PTPN22: variants seen among roughly 807,000 people sequenced by gnomAD.
The protein encoded by PTPN22 is tyrosine-protein phosphatase non-receptor type 22.
Under a neutral mutation model 103.3 loss-of-function variants are expected in PTPN22, and 85 were observed. The ratio of observed to expected loss-of-function variants is 0.82; its 90% CI spans 0.69 to 0.99. The LOEUF (loss-of-function observed/expected upper bound fraction) is 0.99, where lower values mean the gene tolerates loss of function less well. PTPN22 is among the 50% of genes least tolerant of loss of function. The probability of loss-of-function intolerance (pLI) is 0.00; values close to 1 mark genes in which losing one functional copy is unlikely to be tolerated. For missense variants in PTPN22, 865 were observed against 936.9 expected (o/e 0.92, Z 1.00); for synonymous variants, 323 against 310.2 (o/e 1.04, Z -0.43).
At chr1:113,839,246 A>G (rs1206559918) in intron 11 of PTPN22, among the ~76,000 whole-genome samples, 1 of 152,034 alleles carries the variant, frequency 6.6e-6, no homozygotes, top group Admixed American at 6.6e-5. Context: ...AGCCATGCTC[A>G]ATCTTCTTCT....
intron 9 of PTPN22, 85 bp downstream of exon 9, chr1:113,854,386 A>G: frequency 8.2e-7 from 1 of 1,216,854 alleles, no homozygotes; most frequent in Non-Finnish European, 1.2e-6. Context: ...AATCATGAAG[A>G]TAGATGTTTT....
At position 113,842,540 on chromosome 1, in the gene PTPN22, G is replaced by T. The variant is rs548853424; in HGVS notation, c.916-3920C>A. 2.8e-4 allele frequency among the ~76,000 whole-genome samples: 43 copies of T among 152,180 alleles called. 1 individual carries two copies. The highest frequency in any genetic ancestry group is 5.2e-4 in the Admixed American group (8 of 15,288). Reference sequence around the variant, plus strand: ...AATACAAAAATTATCTGGGCGTGGTGGCATGTGCCTGTAATCCCAGCTACT... The same window carrying T: ...AATACAAAAATTATCTGGGCGTGGTTGCATGTGCCTGTAATCCCAGCTACT... On this transcript the variant is annotated intron_variant, in intron 11 of 20. Transcript: ENST00000359785.
intron 20 of PTPN22, among the ~76,000 whole-genome samples, chr1:113,818,629 TC>T (rs1160538121): frequency 6.6e-6 from 1 of 152,194 alleles, no homozygotes; most frequent in Non-Finnish European, 1.5e-5. Context: ...CTTCTTTGCT[TC>T]TTCCTCAAAT....
intron 11 of PTPN22, among the ~76,000 whole-genome samples, chr1:113,842,512 A>G (rs531933986): frequency 6.6e-6 from 1 of 151,870 alleles, no homozygotes; most frequent in East Asian, 2.0e-4. Flanking sequence ...CATCTCTACT[A>G]AAAATACAAA....
At chr1:113,859,959 C>CT (rs35810164) in intron 1 of PTPN22, among the ~76,000 whole-genome samples, 20,913 of 114,882 alleles carry the variant, frequency 0.18, 1,895 homozygotes, top group East Asian at 0.21. Flanking sequence ...AAAGCAGTCA[C>CT]TTTTTTTTTT....
chr1:113,827,672 A>G (rs943476089), intron 18 of PTPN22, among the ~76,000 whole-genome samples: 8 of 152,206 alleles, frequency 5.3e-5, no homozygotes, highest in Non-Finnish European at 8.8e-5. Context: ...GTATGCAAGC[A>G]TATTTGTAGG....
chr1:113,837,567 G>A, intron 13 of PTPN22, 23 bp downstream of exon 13: 2 of 1,467,972 alleles, frequency 1.4e-6, no homozygotes, highest in South Asian at 2.5e-5. Flanking sequence ...AAAATTCTAT[G>A]CAAACTTTAA....
At chr1:113,837,829 C>T (rs556833484) in exon 13 of PTPN22, 1 of 1,613,880 alleles carries the variant, frequency 6.2e-7, no homozygotes, top group Non-Finnish European at 8.5e-7. Context: ...AGAATATACA[C>T]CAAGAGCACT....
chr1:113,816,087 ATATACC>A (rs1661123715), intron 20 of PTPN22, among the ~76,000 whole-genome samples: 1 of 152,240 alleles, frequency 6.6e-6, no homozygotes, highest in African/African-American at 2.4e-5. Flanking sequence ...AAACTCAAAG[ATATACC>A]TAAACCTTTA....
At chr1:113,867,115 T>G (rs757572266) in intron 1 of PTPN22, among the ~76,000 whole-genome samples, 2 of 152,212 alleles carry the variant, frequency 1.3e-5, no homozygotes, top group Non-Finnish European at 2.9e-5. Context: ...TCTTTTAACT[T>G]TCAATAATAT....
chr1:113,857,658 G>A (rs1665196517), intron 5 of PTPN22, 80 bp downstream of exon 5: 1 of 1,336,802 alleles, frequency 7.5e-7, no homozygotes, highest in Non-Finnish European at 1.1e-6. Context: ...GTACACTCAG[G>A]TAAGTTCTGC....
intron 1 of PTPN22, among the ~76,000 whole-genome samples, chr1:113,860,213 G>T (rs1016854766): frequency 1.3e-5 from 2 of 152,062 alleles, no homozygotes; most frequent in East Asian, 3.8e-4. Context: ...AAACTCCTGG[G>T]CTCAAGCAAT....
chr1:113,829,576 C>T lies in PTPN22; in HGVS notation c.2250+16G>A. 6.8e-7 allele frequency: 1 copy of T among 1,473,986 alleles called. No homozygotes were observed. Among genetic ancestry groups the T allele is most frequent in the East Asian group, 2.3e-5 (1 of 43,776 alleles). 91.3% of individuals were successfully genotyped at this position (1,473,986 alleles called of 1,614,324 possible). ...AAAGTTTCCGGCATGTTTCCCAAAA[C>T]TCTTATCTTCTTTACCTTACTCCTT... On this transcript the variant is annotated intron_variant, in intron 18 of 20. Transcript: ENST00000359785.
chr1:113,851,451 GCCCAA>G, intron 10 of PTPN22, among the ~76,000 whole-genome samples: 1 of 152,246 alleles, frequency 6.6e-6, no homozygotes, highest in East Asian at 1.9e-4. Flanking sequence ...ACCGCGCCCG[GCCCAA>G]TTATGTTTTT....
At chr1:113,842,954 G>C (rs1033482141) in intron 11 of PTPN22, among the ~76,000 whole-genome samples, 5 of 148,354 alleles carry the variant, frequency 3.4e-5, no homozygotes, top group Non-Finnish European at 7.4e-5. Context: ...ACAAAAAATA[G>C]CCGGGCGTAG....
At chr1:113,823,694 T>C (rs1429311374) in intron 19 of PTPN22, among the ~76,000 whole-genome samples, 1 of 152,274 alleles carries the variant, frequency 6.6e-6, no homozygotes, top group Non-Finnish European at 1.5e-5. Flanking sequence ...TTTTCTGAGT[T>C]AGGTGGATCA....
At chr1:113,856,412 T>C (rs1163619890) in exon 7 of PTPN22, 1 of 1,587,492 alleles carries the variant, frequency 6.3e-7, no homozygotes, top group Non-Finnish European at 8.6e-7. Flanking sequence ...GAGTCCTGAT[T>C]ATATAATCAG....
intron 14 of PTPN22, among the ~76,000 whole-genome samples, chr1:113,834,703 T>C (rs560747367): frequency 6.6e-6 from 1 of 152,052 alleles, no homozygotes; most frequent in East Asian, 1.9e-4. Flanking sequence ...GGACTACACA[T>C]GCATGCTGCT....
chr1:113,848,736 C>T (rs1664311803), intron 10 of PTPN22, 110 bp from the exon 11 acceptor site: 1 of 939,154 alleles, frequency 1.1e-6, no homozygotes, highest in Non-Finnish European at 1.6e-6. Context: ...ATATAGCAGA[C>T]CCAAAAGGAC....
Sources: allele counts gnomAD v4.1 joint callset (sites outside exome capture counted in the v4.1 genomes callset), GRCh38; gene constraint gnomAD v4.1.1; transcripts MANE v1.5; gene names NCBI Gene and HGNC (gene_info 2026-07-23, HGNC 2026-07-21).